CSRP3: variants seen among roughly 807,000 people sequenced by gnomAD.
CSRP3 encodes the protein cysteine and glycine-rich protein 3.
CSRP3 carries 24 observed loss-of-function variants against 24.3 expected under a neutral mutation model. The ratio of observed to expected loss-of-function variants is 0.99; its 90% confidence interval spans 0.71 to 1.39. The LOEUF (loss-of-function observed/expected upper bound fraction) is 1.39, where lower values mean the gene tolerates loss of function less well. Among genes scored for constraint, CSRP3 ranks in the 40% most tolerant of loss-of-function variants. CSRP3 has a pLI of 0.00. For missense variants in CSRP3, 240 were observed against 249.0 expected, an observed-to-expected ratio of 0.96 and a Z score of 0.24; for synonymous variants, 105 against 94.0, an observed-to-expected ratio of 1.12 and a Z score of -0.68.
intron 1 of CSRP3, among the ~76,000 whole-genome samples, chr11:19,197,501 C>CTTTCTTTCTTTCTT (rs1554968682): frequency 1.5e-5 from 1 of 67,068 alleles, no homozygotes; most frequent in East Asian, 4.6e-4. Context: ...CCCTCTTTTC[C>CTTTCTTTCTTTCTT]TCTTTCTTTC....
chr11:19,192,299 G>T, intron 2 of CSRP3, 38 bp downstream of exon 2: 1 of 1,382,974 alleles, frequency 7.2e-7, no homozygotes, highest in Non-Finnish European at 1.0e-6. Flanking sequence ...GATGCTGTCC[G>T]GATGCTGAGG....
chr11:19,188,240 C>CT lies in CSRP3; in HGVS notation c.176dup (p.Val60GlyfsTer72). On this transcript the variant is annotated frameshift_variant, in exon 3 of 6. Coordinates refer to ENST00000265968, the MANE Select transcript of CSRP3 (RefSeq NM_003476.5). LOFTEE classifies it high-confidence loss of function. ...GGCCATATCTGCGCCCATAGCACAC[C>CT]TTGCAGTAGATCTCCGACTCATGAG... 6.2e-7 allele frequency: 1 copy of CT among 1,613,478 alleles called. No individual in the cohort carries two copies. The highest frequency in any genetic ancestry group is 8.5e-7 in the Non-Finnish European group (1 of 1,180,010).
chr11:19,190,682 A>C (rs1332649669), intron 2 of CSRP3, among the ~76,000 whole-genome samples: 1 of 152,202 alleles, frequency 6.6e-6, no homozygotes, highest in Non-Finnish European at 1.5e-5. Flanking sequence ...GCCTGGGCAC[A>C]ATGTAAGGTA....
intron 2 of CSRP3, among the ~76,000 whole-genome samples, chr11:19,191,168 T>G (rs1198540486): frequency 1.3e-5 from 2 of 152,216 alleles, no homozygotes; most frequent in African/African-American, 4.8e-5. Context: ...TGAAATGACC[T>G]GCCCAAAATC....
At chr11:19,187,501 A>C (rs147990771) in intron 3 of CSRP3, among the ~76,000 whole-genome samples, 117 of 152,354 alleles carry the variant, frequency 7.7e-4, no homozygotes, top group African/African-American at 2.6e-3. Context: ...GCTGGAGGTC[A>C]ATGTGGTTAT....
intron 2 of CSRP3, among the ~76,000 whole-genome samples, chr11:19,188,922 A>G (rs967168001): frequency 6.6e-6 from 1 of 152,112 alleles, no homozygotes; most frequent in Non-Finnish European, 1.5e-5. Context: ...CCTAATGTAA[A>G]GTATCCTCCA....
At chr11:19,200,932 T>A (rs1590110933) in intron 1 of CSRP3, among the ~76,000 whole-genome samples, 4 of 152,296 alleles carry the variant, frequency 2.6e-5, no homozygotes, top group Admixed American at 6.5e-5. Context: ...CATACATGCT[T>A]ATTAAATTAC....
rs1850450715 is a variant in CSRP3 at position 19,182,407 on chromosome 11, A to G, written c.*263T>C. The G allele has an allele frequency of 3.8e-6, 2 of 530,982 alleles. No individual in the cohort carries two copies. Among genetic ancestry groups the G allele is most frequent in the African/African-American group, 3.8e-5 (2 of 52,638 alleles). The allele number at this position is 530,982 out of a possible 1,614,324, so 32.9% of individuals were successfully genotyped here. A position where few individuals can be genotyped will look rare whatever the true frequency, so the allele number is the denominator to read the frequency against. On this transcript the variant is annotated 3_prime_UTR_variant, in exon 6 of 6. Transcript: ENST00000265968. Reference sequence around the variant, plus strand: ...TCTCAAAGAAAAGATCTAGAGCCATACAAGATAGCACTAAAACATTTATTT... The same window carrying G: ...TCTCAAAGAAAAGATCTAGAGCCATGCAAGATAGCACTAAAACATTTATTT...
chr11:19,197,541 T>TTCTC (rs1467153150), intron 1 of CSRP3, among the ~76,000 whole-genome samples: 6 of 138,476 alleles, frequency 4.3e-5, no homozygotes, highest in Non-Finnish European at 9.2e-5. Flanking sequence ...CTTTCTTTCT[T>TTCTC]TCTTTCTTTC....
At chr11:19,189,584 T>G (rs1042918788) in intron 2 of CSRP3, among the ~76,000 whole-genome samples, 5 of 152,250 alleles carry the variant, frequency 3.3e-5, no homozygotes, top group African/African-American at 1.2e-4. Flanking sequence ...TATGCCTTCT[T>G]CAAATGATAT....
chr11:19,185,075 A>T (rs7103779), intron 4 of CSRP3, 30 bp from the exon 5 acceptor site: 31 of 1,510,738 alleles, frequency 2.1e-5, no homozygotes, highest in Non-Finnish European at 2.9e-5. Context: ...TGCATATTTA[A>T]TGAGGTAGGC....
chr11:19,201,353 A>G lies in CSRP3; in HGVS notation c.-29+601T>C, dbSNP rs553949537. Among the ~76,000 whole-genome samples the G allele has an allele frequency of 3.3e-5, 5 of 152,386 alleles. No individual in the cohort carries two copies. The South Asian group carries it at 6.2e-4, about 19-fold the overall frequency. ...AGTCTATTTAAAATCAACAAGCCCA[A>G]AATCTCAGTCATTCACCACGACCTT... On this transcript the variant is annotated intron_variant, in intron 1 of 5. Transcript: ENST00000265968.
chr11:19,193,199 G>A (rs1565053437), intron 1 of CSRP3, among the ~76,000 whole-genome samples: 1 of 152,182 alleles, frequency 6.6e-6, no homozygotes, highest in Non-Finnish European at 1.5e-5. Flanking sequence ...TCTGCTTTCA[G>A]GGCTACCCTC....
At chr11:19,199,714 A>G (rs766687068) in intron 1 of CSRP3, among the ~76,000 whole-genome samples, 2 of 152,192 alleles carry the variant, frequency 1.3e-5, no homozygotes, top group African/African-American at 4.8e-5. Flanking sequence ...GCCATAAACG[A>G]CCATCAAATC....
intron 1 of CSRP3, among the ~76,000 whole-genome samples, chr11:19,195,729 C>G (rs1264089085): frequency 2.0e-5 from 3 of 152,004 alleles, no homozygotes; most frequent in African/African-American, 7.3e-5. Context: ...ATTGCCTAGG[C>G]ATACTTTTCA....
intron 1 of CSRP3, among the ~76,000 whole-genome samples, chr11:19,198,574 G>C (rs2133526439): frequency 6.6e-6 from 1 of 152,330 alleles, no homozygotes; most frequent in Non-Finnish European, 1.5e-5. Context: ...TCCCTTCAAG[G>C]GTCCTTTAAG....
At chr11:19,190,075 A>G (rs965898009) in intron 2 of CSRP3, among the ~76,000 whole-genome samples, 5 of 152,254 alleles carry the variant, frequency 3.3e-5, no homozygotes, top group Non-Finnish European at 7.3e-5. Flanking sequence ...AGTCCTCTGT[A>G]AACATTTATT....
intron 1 of CSRP3, among the ~76,000 whole-genome samples, chr11:19,197,708 G>A (rs1325574073): frequency 2.0e-5 from 3 of 151,648 alleles, no homozygotes; most frequent in African/African-American, 4.9e-5. Flanking sequence ...GTGCCACAAT[G>A]CCACCGTTTT....
At chr11:19,199,271 T>C (rs1850796440) in intron 1 of CSRP3, among the ~76,000 whole-genome samples, 1 of 152,140 alleles carries the variant, frequency 6.6e-6, no homozygotes, top group Non-Finnish European at 1.5e-5. Context: ...CCTGAGCTTC[T>C]GAACCCAGAT....
Sources: allele counts gnomAD v4.1 joint callset (sites outside exome capture counted in the v4.1 genomes callset), GRCh38; gene constraint gnomAD v4.1.1; transcripts MANE v1.5; gene names NCBI Gene and HGNC (gene_info 2026-07-23, HGNC 2026-07-21).